The following ADCY9 variants were observed in gnomAD, a reference collection of about 807,000 sequenced individuals.
The protein encoded by ADCY9 is adenylate cyclase 9, also known as adenylate cyclase type 9.
ADCY9 carries 50 observed loss-of-function variants against 101.5 expected under a neutral mutation model. That is an observed-to-expected ratio of 0.49 (90% CI 0.39 to 0.62). ADCY9 has a LOEUF of 0.62. Among genes scored for constraint, ADCY9 ranks in the 20% least tolerant of loss-of-function variants. ADCY9 has a pLI of 0.00. For missense variants in ADCY9, 1,662 were observed against 1,800.4 expected, an observed-to-expected ratio of 0.92 and a Z score of 1.39; for synonymous variants, 905 against 769.3, an observed-to-expected ratio of 1.18 and a Z score of -2.92.
At chr16:4,056,266 T>G (rs968366069) in intron 2 of ADCY9, among the ~76,000 whole-genome samples, 17 of 152,200 alleles carry the variant, frequency 1.1e-4, no homozygotes, top group African/African-American at 4.1e-4. Context: ...GTGTTTTGTT[T>G]TGTTTTTGAG....
intron 6 of ADCY9, among the ~76,000 whole-genome samples, chr16:3,987,001 C>G (rs2056198752): frequency 2.0e-5 from 3 of 152,260 alleles, no homozygotes; most frequent in Non-Finnish European, 4.4e-5. Flanking sequence ...CCACTCCTGC[C>G]CCACCCTGCC....
At chr16:4,073,843 CA>C (rs1045375788) in intron 2 of ADCY9, among the ~76,000 whole-genome samples, 3 of 152,108 alleles carry the variant, frequency 2.0e-5, no homozygotes, top group African/African-American at 7.2e-5. Flanking sequence ...TAGATCTACA[CA>C]AAGAAACGAA....
At chr16:4,042,229 G>T (rs2056632609) in intron 2 of ADCY9, among the ~76,000 whole-genome samples, 1 of 151,858 alleles carries the variant, frequency 6.6e-6, no homozygotes, top group Non-Finnish European at 1.5e-5. Context: ...AGCTGACTCA[G>T]CTGTTTTTAA....
intron 9 of ADCY9, among the ~76,000 whole-genome samples, chr16:3,975,015 A>C (rs1407565690): frequency 6.6e-6 from 1 of 152,100 alleles, no homozygotes; most frequent in Non-Finnish European, 1.5e-5. Context: ...TTCTGGGCCG[A>C]GTGGAACTTC....
rs928876987 is a variant in ADCY9, at chr16:3,963,261, T to C, written c.*2514A>G. 7 of 397,914 alleles carry C rather than the reference T, an allele frequency of 1.8e-5. No individual in the cohort carries two copies. Among genetic ancestry groups the C allele is most frequent in the Non-Finnish European group, 3.1e-5 (7 of 225,704 alleles). The allele number at this position is 397,914 out of a possible 1,614,324, so 24.6% of individuals were successfully genotyped here. A position where few individuals can be genotyped will look rare whatever the true frequency, so the allele number is the denominator to read the frequency against. On this transcript the variant is annotated 3_prime_UTR_variant, in exon 11 of 11. Transcript: ENST00000294016. ...CTTCCTGCCCTAAGTTCCTAAGAGG[T>C]ATTGCCACCCTGAAGCACGACCCAT...
intron 3 of ADCY9, among the ~76,000 whole-genome samples, chr16:3,997,618 G>A (rs56002129): frequency 0.029 from 4,409 of 152,320 alleles, 214 homozygotes; most frequent in African/African-American, 0.1. Context: ...ACCCACGCTC[G>A]GGCCTCCTGA....
intron 2 of ADCY9, among the ~76,000 whole-genome samples, chr16:4,066,380 A>AT (rs1488374620): frequency 6.6e-6 from 1 of 151,928 alleles, no homozygotes; most frequent in East Asian, 1.9e-4. Flanking sequence ...CTGAGCAGTG[A>AT]TTTTACCTTT....
At chr16:3,956,697 G>T (rs1223798674) in intron 5 of ADCY9, among the ~76,000 whole-genome samples, 1 of 148,266 alleles carries the variant, frequency 6.7e-6, no homozygotes, top group Non-Finnish European at 1.5e-5. Flanking sequence ...ATTTCACCAT[G>T]TTGGCCAGGC....
intron 3 of ADCY9, among the ~76,000 whole-genome samples, 168 bp from the exon 4 acceptor site, chr16:3,993,678 A>G (rs1025605787): frequency 6.6e-6 from 1 of 152,218 alleles, no homozygotes; most frequent in African/African-American, 2.4e-5. Context: ...GCAAAGTGAC[A>G]GTGGAAACAC....
chr16:3,969,984 A>C (rs567637932), intron 10 of ADCY9, among the ~76,000 whole-genome samples: 1 of 152,164 alleles, frequency 6.6e-6, no homozygotes, highest in Admixed American at 6.6e-5. Flanking sequence ...ATCCAGAGGC[A>C]ATCACTATTA....
chr16:4,003,404 G>A (rs745838481), intron 3 of ADCY9, among the ~76,000 whole-genome samples: 16 of 152,184 alleles, frequency 1.1e-4, no homozygotes, highest in Middle Eastern at 3.4e-3. Flanking sequence ...GAAGGCGTGC[G>A]TGCCGAGTGT....
chr16:4,037,417 T>C (rs1597182427), intron 2 of ADCY9, among the ~76,000 whole-genome samples: 1 of 152,322 alleles, frequency 6.6e-6, no homozygotes, highest in Non-Finnish European at 1.5e-5. Flanking sequence ...GGCTGGACAG[T>C]ATCCCACTGC....
At chr16:4,018,459 C>T (rs1318758690) in intron 2 of ADCY9, among the ~76,000 whole-genome samples, 5 of 152,108 alleles carry the variant, frequency 3.3e-5, no homozygotes, top group Non-Finnish European at 7.4e-5. Flanking sequence ...GTGATCCACC[C>T]GCCTCGGCCT....
intron 4 of ADCY9, among the ~76,000 whole-genome samples, chr16:3,993,086 T>G (rs2056258812): frequency 6.6e-6 from 1 of 152,040 alleles, no homozygotes; most frequent in Non-Finnish European, 1.5e-5. Flanking sequence ...CCCGTCTATA[T>G]TCTCTCATAA....
intron 2 of ADCY9, among the ~76,000 whole-genome samples, chr16:4,068,731 G>A (rs569230878): frequency 6.6e-6 from 1 of 151,846 alleles, no homozygotes; most frequent in African/African-American, 2.4e-5. Flanking sequence ...GCAGGAGAAT[G>A]GTGTGAACCC....
chr16:4,060,980 A>AT (rs971360932), intron 2 of ADCY9, among the ~76,000 whole-genome samples: 2 of 152,144 alleles, frequency 1.3e-5, no homozygotes, highest in African/African-American at 2.4e-5. Flanking sequence ...AAAGGAAAGT[A>AT]TGTAACAATG....
At chr16:4,011,472 G>C (rs1040625456) in intron 2 of ADCY9, among the ~76,000 whole-genome samples, 3 of 152,204 alleles carry the variant, frequency 2.0e-5, no homozygotes, top group Non-Finnish European at 2.9e-5. Flanking sequence ...CGGGTGGGAA[G>C]TTGGGAGGCA....
intron 2 of ADCY9, among the ~76,000 whole-genome samples, chr16:4,019,510 G>C (rs1324131410): frequency 2.0e-5 from 3 of 152,256 alleles, no homozygotes. Flanking sequence ...AAGCACGAGA[G>C]GAGGGGACAA....
At chr16:3,993,267 C>A in intron 4 of ADCY9, 139 bp downstream of exon 4, 1 of 1,441,986 alleles carries the variant, frequency 6.9e-7, no homozygotes, top group Non-Finnish European at 9.3e-7. Context: ...CTTCAACACC[C>A]GGAGGACCCG....
Sources: gnomAD v4.1 joint callset for allele counts (sites outside exome capture counted in the v4.1 genomes callset) on GRCh38, gnomAD v4.1.1 for gene constraint, MANE v1.5 for transcripts, NCBI Gene and HGNC (gene_info 2026-07-23, HGNC 2026-07-21) for gene names.